The following PI4KA variants were observed in gnomAD, a reference collection of about 807,000 sequenced individuals.
PI4KA encodes the protein phosphatidylinositol 4-kinase alpha, also known as PI4-kinase alpha.
PI4KA carries 122 observed loss-of-function variants against 271.4 expected under a neutral mutation model. That is an observed-to-expected ratio of 0.45 (90% CI 0.39 to 0.52). PI4KA has a LOEUF of 0.52. Among genes scored for constraint, PI4KA ranks in the 20% least tolerant of loss-of-function variants. The probability of loss-of-function intolerance (pLI) is 0.00; values close to 1 mark genes in which losing one functional copy is unlikely to be tolerated. For missense variants in PI4KA, 1,969 were observed against 2,769.1 expected (o/e 0.71, Z 6.48); for synonymous variants, 1,041 against 1,078.8 (o/e 0.96, Z 0.69).
intron 2 of PI4KA, among the ~76,000 whole-genome samples, chr22:20,837,387 A>AACAG (rs1555908501): frequency 8.1e-4 from 123 of 151,830 alleles, no homozygotes; most frequent in Non-Finnish European, 1.4e-3. Flanking sequence ...TAAATAAATA[A>AACAG]ATAGCAGAAG....
At chr22:20,817,319 T>A (rs988702056) in intron 7 of PI4KA, among the ~76,000 whole-genome samples, 2 of 152,248 alleles carry the variant, frequency 1.3e-5, no homozygotes, top group Non-Finnish European at 2.9e-5. Context: ...TTAATCTGGG[T>A]CTTACTTCCA....
chr22:20,786,299 G>A (rs555088919), intron 19 of PI4KA: 5 of 884,358 alleles, frequency 5.7e-6, no homozygotes, highest in Non-Finnish European at 7.3e-6. Flanking sequence ...TACACAGAAT[G>A]CCTAGTTTCA....
In PI4KA at chr22:20,824,359, A is replaced by G; in HGVS notation, c.423T>C (p.Asp141=). The G allele has an allele frequency of 1.2e-6, 2 of 1,613,712 alleles. No individual in the cohort carries two copies. Among genetic ancestry groups the G allele is most frequent in the Non-Finnish European group, 1.7e-6 (2 of 1,179,686 alleles). The change falls in exon 4 of 55, where the codon GAT becomes GAC. Residue 141 remains aspartate, a synonymous_variant. Transcript: ENST00000255882. Reference sequence around the variant, plus strand: ...TAAGTGAAGGATCCCTATAGGCCACATCAGACAGCAGAGTTACCAAGCAGA... The same window carrying G: ...TAAGTGAAGGATCCCTATAGGCCACGTCAGACAGCAGAGTTACCAAGCAGA... The part of the protein sequence containing the change: ...FSFCLVTLLS[D]VAYRDPSLRD...
chr22:20,793,957 G>C (rs1422577917), intron 18 of PI4KA, among the ~76,000 whole-genome samples: 1 of 152,238 alleles, frequency 6.6e-6, no homozygotes, highest in East Asian at 1.9e-4. Context: ...ACTGCGGCCA[G>C]GCACTGTGCT....
intron 1 of PI4KA, among the ~76,000 whole-genome samples, chr22:20,839,928 T>C (rs1271791252): frequency 6.6e-6 from 1 of 152,208 alleles, no homozygotes; most frequent in Admixed American, 6.5e-5. Context: ...TATACTATAA[T>C]AGTGGCTAGT....
In PI4KA at chr22:20,729,302, C is replaced by A; in HGVS notation, c.4682+11G>T. 1.9e-6 allele frequency: 3 copies of A among 1,608,602 alleles called. No homozygotes were observed. The highest frequency in any genetic ancestry group is 2.5e-6 in the Non-Finnish European group (3 of 1,177,400). ...GAGGCCTGTGTCAGGCTGTGGTGCC[C>A]GGGGGCCCACCTGGCAGGCAGCTGC... On this transcript the variant is annotated intron_variant, in intron 39 of 54. Coordinates refer to ENST00000255882, the MANE Select transcript of PI4KA (RefSeq NM_058004.4).
At chr22:20,771,564 G>GCTTT (rs1222686827) in intron 19 of PI4KA, among the ~76,000 whole-genome samples, 2 of 125,946 alleles carry the variant, frequency 1.6e-5, no homozygotes, top group African/African-American at 6.0e-5. Flanking sequence ...AAATATGTTG[G>GCTTT]CTTTATTTAT....
At chr22:20,835,298 T>C (rs545755181) in intron 2 of PI4KA, among the ~76,000 whole-genome samples, 4 of 152,342 alleles carry the variant, frequency 2.6e-5, no homozygotes, top group South Asian at 2.1e-4. Flanking sequence ...TCATTGGCTT[T>C]TGGAGCTATT....
At chr22:20,725,068 G>A (rs1927190079) in intron 42 of PI4KA, among the ~76,000 whole-genome samples, 1 of 152,220 alleles carries the variant, frequency 6.6e-6, no homozygotes, top group Non-Finnish European at 1.5e-5. Context: ...GCTGGCTGCT[G>A]TTCTAGAAGC....
At chr22:20,757,853 CT>C (rs1373649055) in intron 23 of PI4KA, among the ~76,000 whole-genome samples, 1 of 152,042 alleles carries the variant, frequency 6.6e-6, no homozygotes, top group Non-Finnish European at 1.5e-5. Flanking sequence ...CTTTTTCTTC[CT>C]TTTTTTGTCT....
At chr22:20,773,585 C>A (rs1412459532) in intron 19 of PI4KA, among the ~76,000 whole-genome samples, 1 of 152,200 alleles carries the variant, frequency 6.6e-6, no homozygotes, top group Admixed American at 6.6e-5. Flanking sequence ...AAGGTCCATG[C>A]CACAATCCCC....
chr22:20,735,290 G>A (rs904935069), intron 32 of PI4KA, among the ~76,000 whole-genome samples: 2 of 150,150 alleles, frequency 1.3e-5, no homozygotes, highest in Non-Finnish European at 3.0e-5. Context: ...TTTGGCATCT[G>A]GCCAAAGAGG....
chr22:20,779,600 C>T (rs1453132581), intron 19 of PI4KA: 3 of 1,614,082 alleles, frequency 1.9e-6, no homozygotes, highest in African/African-American at 1.3e-5. Flanking sequence ...TCGACATCGT[C>T]GACAGTCTGT....
Position 20,751,728 on chromosome 22 carries a change from A to T in PI4KA, c.3015T>A (p.Thr1005=). 6.2e-7 allele frequency: 1 copy of T among 1,614,120 alleles called. No homozygotes were observed. The highest frequency in any genetic ancestry group is 8.5e-7 in the Non-Finnish European group (1 of 1,179,990). Residue 1005 remains threonine, a synonymous_variant, in exon 26 of 55, where the codon ACT becomes ACA. Transcript: ENST00000255882. ...GGATGTCCAGCATGGTCTTCAGCACAGTCCCGCTCCAGAGCAAGTGGGGAA... is the reference window on the plus strand; with the variant it reads ...GGATGTCCAGCATGGTCTTCAGCACTGTCCCGCTCCAGAGCAAGTGGGGAA... ...DKFPHLLWSG[T]VLKTMLDILQ... is the part of the protein sequence containing the mutation.
chr22:20,748,078 A>C (rs1462136544), intron 28 of PI4KA, among the ~76,000 whole-genome samples: 1 of 152,220 alleles, frequency 6.6e-6, no homozygotes, highest in Non-Finnish European at 1.5e-5. Context: ...TTATAAATTA[A>C]GGTGTGGGCA....
chr22:20,831,075 T>G (rs1010700439), intron 3 of PI4KA, among the ~76,000 whole-genome samples: 4 of 152,224 alleles, frequency 2.6e-5, no homozygotes, highest in Admixed American at 6.5e-5. Flanking sequence ...GCCCAGCCCT[T>G]AGGTGTGTTT....
At chr22:20,748,785 G>A (rs1930377965) in intron 28 of PI4KA, among the ~76,000 whole-genome samples, 1 of 152,206 alleles carries the variant, frequency 6.6e-6, no homozygotes, top group South Asian at 2.1e-4. Flanking sequence ...TAAAAGGGAA[G>A]TACACTGACC....
intron 19 of PI4KA, among the ~76,000 whole-genome samples, chr22:20,767,074 C>T (rs1932602102): frequency 6.6e-6 from 1 of 152,104 alleles, no homozygotes; most frequent in African/African-American, 2.4e-5. Flanking sequence ...AAAAATGTTG[C>T]AACAGCAAAA....
intron 19 of PI4KA, among the ~76,000 whole-genome samples, chr22:20,778,530 T>TACA (rs762656623): frequency 3.0e-4 from 45 of 151,894 alleles, no homozygotes; most frequent in African/African-American, 9.9e-4. Flanking sequence ...AAAAGCCAAT[T>TACA]ACAACAACAA....
Sources: gnomAD v4.1 joint callset for allele counts (sites outside exome capture counted in the v4.1 genomes callset) on GRCh38, gnomAD v4.1.1 for gene constraint, MANE v1.5 for transcripts, NCBI Gene and HGNC (gene_info 2026-07-23, HGNC 2026-07-21) for gene names.